PAPSS2: variants seen among roughly 807,000 people sequenced by gnomAD.
PAPSS2 encodes bifunctional 3'-phosphoadenosine 5'-phosphosulfate synthase 2.
In PAPSS2, 61 loss-of-function variants were observed where a neutral mutation model predicts 66.5. The observed-to-expected ratio is 0.92, with a 90% confidence interval of 0.75 to 1.14. The LOEUF is 1.14. Among genes scored for constraint, PAPSS2 ranks in the 50% most tolerant of loss-of-function variants. The probability of loss-of-function intolerance (pLI) is 0.00; values close to 1 mark genes in which losing one functional copy is unlikely to be tolerated. For synonymous variants in PAPSS2, 289 were observed against 287.5 expected (o/e 1.01, Z -0.05); for missense variants, 708 against 789.6 (o/e 0.90, Z 1.24).
At chr10:87,688,038 A>G (rs1377280642) in intron 1 of PAPSS2, among the ~76,000 whole-genome samples, 2 of 152,152 alleles carry the variant, frequency 1.3e-5, no homozygotes, top group Admixed American at 6.5e-5. Context: ...CATTTCTGTC[A>G]GGGTTGAATT....
chr10:87,733,888 C>T (rs551069929), intron 9 of PAPSS2, among the ~76,000 whole-genome samples: 2 of 151,976 alleles, frequency 1.3e-5, no homozygotes, highest in South Asian at 2.1e-4. Context: ...CTTCACCATC[C>T]AAATGGTGGC....
rs1564704861 is a variant in PAPSS2, at chr10:87,660,059, G to GACCCCCA, written c.27+60_27+66dup. On this transcript the variant is annotated intron_variant, in intron 1 of 12. Coordinates refer to ENST00000456849, the MANE Select transcript of PAPSS2 (RefSeq NM_001015880.2). ...TCCCCGCCACCGCACTGCACGCGCC[G>GACCCCCA]ACCCCCAACCCCCAATTCCCCGGCA... The GACCCCCA allele has an allele frequency of 2.5e-6, 4 of 1,578,206 alleles. No homozygotes were observed. The Admixed American group carries it at 7.0e-5, about 28-fold the overall frequency.
intron 11 of PAPSS2, 139 bp downstream of exon 11, chr10:87,743,780 T>C (rs1358270734): frequency 2.0e-6 from 2 of 1,014,870 alleles, no homozygotes; most frequent in African/African-American, 3.2e-5. Flanking sequence ...CTTCTTTATC[T>C]AGCTTAATTA....
chr10:87,741,164 A>G, intron 9 of PAPSS2, 71 bp from the exon 10 acceptor site: 2 of 1,504,778 alleles, frequency 1.3e-6, no homozygotes, highest in Non-Finnish European at 1.8e-6. Context: ...ATTGGTCTAA[A>G]AGGAGAAAAC....
intron 1 of PAPSS2, among the ~76,000 whole-genome samples, chr10:87,696,054 A>T (rs1288356130): frequency 6.6e-6 from 1 of 152,132 alleles, no homozygotes; most frequent in Non-Finnish European, 1.5e-5. Flanking sequence ...GTGAGCATCT[A>T]TGGGTGTGGA....
intron 9 of PAPSS2, among the ~76,000 whole-genome samples, chr10:87,729,056 A>G (rs923475145): frequency 6.6e-6 from 1 of 151,930 alleles, no homozygotes; most frequent in Non-Finnish European, 1.5e-5. Context: ...TCAGTGACTG[A>G]AAGAATAGCA....
chr10:87,732,032 A>G (rs144680766), intron 9 of PAPSS2, among the ~76,000 whole-genome samples: 1 of 152,338 alleles, frequency 6.6e-6, no homozygotes, highest in African/African-American at 2.4e-5. Context: ...CATGCTACAG[A>G]GAAATCTTTC....
intron 2 of PAPSS2, among the ~76,000 whole-genome samples, 174 bp from the exon 3 acceptor site, chr10:87,712,901 T>C (rs753978210): frequency 2.7e-4 from 41 of 152,090 alleles, no homozygotes; most frequent in Non-Finnish European, 5.3e-4. Context: ...CAAATAGTTA[T>C]TTCAAAATTT....
In PAPSS2 at chr10:87,747,536, ATATT is replaced by A. The variant is rs1383291837; in HGVS notation, c.*1571_*1574del. 2 of 152,542 alleles carry A rather than the reference ATATT, an allele frequency of 1.3e-5. No individual in the cohort carries two copies. Among genetic ancestry groups the A allele is most frequent in the Non-Finnish European group, 2.9e-5 (2 of 68,022 alleles). 9.4% of individuals were successfully genotyped at this position (152,542 alleles called of 1,614,324 possible). Reference sequence around the variant, plus strand: ...ACTGCCTTTAAAAAAAAAAACCAGCATATTTATTGAAAACATGAGACAGGATTAT... The same window carrying A: ...ACTGCCTTTAAAAAAAAAAACCAGCATATTGAAAACATGAGACAGGATTAT... On this transcript the variant is annotated 3_prime_UTR_variant, in exon 13 of 13. Transcript: ENST00000456849.
In PAPSS2 at chr10:87,709,332, T is replaced by C; in HGVS notation, c.145+19T>C. On this transcript the variant is annotated intron_variant, in intron 2 of 12. Coordinates refer to ENST00000456849, the MANE Select transcript of PAPSS2 (RefSeq NM_001015880.2). ...CTAACAGGTATGTCATGTTCATATATATATATATATATACAAATTGCAAAC... is the reference window on the plus strand; with the variant it reads ...CTAACAGGTATGTCATGTTCATATACATATATATATATACAAATTGCAAAC... 3 of 988,162 alleles carry C rather than the reference T, an allele frequency of 3.0e-6. No homozygotes were observed. Among genetic ancestry groups the C allele is most frequent in the South Asian group, 1.9e-5 (1 of 52,090 alleles). The allele number at this position is 988,162 out of a possible 1,614,324, so 61.2% of individuals were successfully genotyped here. A position where few individuals can be genotyped will look rare whatever the true frequency, so the allele number is the denominator to read the frequency against.
chr10:87,725,145 G>A (rs1252617658), intron 8 of PAPSS2, among the ~76,000 whole-genome samples: 1 of 152,122 alleles, frequency 6.6e-6, no homozygotes, highest in Non-Finnish European at 1.5e-5. Flanking sequence ...CATCTAAAAA[G>A]TACCTCTACA....
chr10:87,714,935 A>C, intron 5 of PAPSS2, 50 bp from the exon 6 acceptor site: 1 of 1,412,290 alleles, frequency 7.1e-7, no homozygotes, highest in South Asian at 1.1e-5. Context: ...TCTTTACTGA[A>C]GCATTCTTTT....
intron 9 of PAPSS2, among the ~76,000 whole-genome samples, chr10:87,733,836 C>T (rs544441004): frequency 6.6e-6 from 1 of 151,536 alleles, no homozygotes; most frequent in Admixed American, 6.6e-5. Flanking sequence ...TAACCTCCCC[C>T]CAAGCCTGTT....
chr10:87,721,090 T>C (rs896376072), intron 7 of PAPSS2, among the ~76,000 whole-genome samples: 5 of 152,212 alleles, frequency 3.3e-5, no homozygotes, highest in Admixed American at 2.0e-4. Flanking sequence ...CCAGCACTTA[T>C]TGAGCACCAA....
At position 87,690,129 on chromosome 10, in the gene PAPSS2, A is replaced by G. The variant is rs147484527; in HGVS notation, c.28-19067A>G. Among the ~76,000 whole-genome samples the G allele has an allele frequency of 7.0e-3, 1,064 of 152,340 alleles. 18 individuals carry two copies. Among genetic ancestry groups the G allele is most frequent in the African/African-American group, 0.024 (997 of 41,566 alleles). On this transcript the variant is annotated intron_variant, in intron 1 of 12. Coordinates refer to ENST00000456849, the MANE Select transcript of PAPSS2 (RefSeq NM_001015880.2). ...ACAGATATATTTTCACATGCAAAAA[A>G]TTAAGTATAAGGTTATTAATTATTG...
chr10:87,737,657 CA>C (rs1005828060), intron 9 of PAPSS2, among the ~76,000 whole-genome samples: 1 of 149,794 alleles, frequency 6.7e-6, no homozygotes, highest in African/African-American at 2.5e-5. Flanking sequence ...CCTGTCTCTA[CA>C]AAAAAAAAAT....
chr10:87,720,991 G>A (rs1452178501), intron 7 of PAPSS2, among the ~76,000 whole-genome samples: 1 of 152,088 alleles, frequency 6.6e-6, no homozygotes, highest in Non-Finnish European at 1.5e-5. Flanking sequence ...TCAAGACAGG[G>A]GAGCCTTGTG....
chr10:87,695,921 G>A (rs1853229192), intron 1 of PAPSS2, among the ~76,000 whole-genome samples: 1 of 152,192 alleles, frequency 6.6e-6, no homozygotes, highest in Non-Finnish European at 1.5e-5. Context: ...CAGGTCAGGA[G>A]TATTGCTACA....
chr10:87,711,930 A>T (rs576617179), intron 2 of PAPSS2, among the ~76,000 whole-genome samples: 1 of 152,256 alleles, frequency 6.6e-6, no homozygotes, highest in South Asian at 2.1e-4. Context: ...TTTAAGACAA[A>T]GATCCTAAAA....
Sources: allele counts gnomAD v4.1 joint callset (sites outside exome capture counted in the v4.1 genomes callset), GRCh38; gene constraint gnomAD v4.1.1; transcripts MANE v1.5; gene names NCBI Gene and HGNC (gene_info 2026-07-23, HGNC 2026-07-21).